Variants in RUNX2 observed in about 807,000 individuals in gnomAD.
RUNX2 encodes the protein runt-related transcription factor 2.
Under a neutral mutation model 51.7 loss-of-function variants are expected in RUNX2, and 10 were observed. The observed-to-expected ratio is 0.19, with a 90% CI of 0.12 to 0.33. RUNX2 has a LOEUF of 0.33. Ranked by LOEUF, RUNX2 falls within the 10% of genes least tolerant of loss-of-function variation. The pLI is 1.00. For synonymous variants in RUNX2, 276 were observed against 273.6 expected (o/e 1.01, Z -0.09); for missense variants, 562 against 691.3 (o/e 0.81, Z 2.10).
chr6:45,445,828 G>A (rs758341752), intron 5 of RUNX2, among the ~76,000 whole-genome samples: 11 of 152,008 alleles, frequency 7.2e-5, no homozygotes, highest in Non-Finnish European at 1.3e-4. Context: ...GATGAGGGGG[G>A]CGGGGGGATG....
chr6:45,461,752 A>G lies in RUNX2; in HGVS notation c.685+23701A>G, dbSNP rs76744369. Among the ~76,000 whole-genome samples the G allele has an allele frequency of 9.6e-3, 1,411 of 146,628 alleles. 10 individuals carry two copies. The highest frequency in any genetic ancestry group is 0.015 in the Non-Finnish European group (969 of 66,454). ...AAATAGTGATAGAATGAGGCTTACT[A>G]TTTTTTTTTTTTGTTTTTTGAGGGA... On this transcript the variant is annotated intron_variant, in intron 5 of 8. Transcript: ENST00000647337.
At chr6:45,392,597 C>G (rs1013791015) in intron 2 of RUNX2, among the ~76,000 whole-genome samples, 1 of 152,002 alleles carries the variant, frequency 6.6e-6, no homozygotes, top group African/African-American at 2.4e-5. Flanking sequence ...GTGACATTTC[C>G]CAGACAGCAA....
chr6:45,445,167 A>G (rs1367148694), intron 5 of RUNX2, among the ~76,000 whole-genome samples: 3 of 151,908 alleles, frequency 2.0e-5, no homozygotes, highest in African/African-American at 7.3e-5. Flanking sequence ...TGGGATTACA[A>G]GTGTGTGCCA....
chr6:45,353,438 C>A (rs936877562), intron 2 of RUNX2, among the ~76,000 whole-genome samples: 1 of 151,674 alleles, frequency 6.6e-6, no homozygotes, highest in Non-Finnish European at 1.5e-5. Context: ...GCAGTACTGG[C>A]AAAGGAATAG....
At chr6:45,498,670 T>C (rs1412354106) in intron 6 of RUNX2, among the ~76,000 whole-genome samples, 1 of 152,192 alleles carries the variant, frequency 6.6e-6, no homozygotes, top group Admixed American at 6.5e-5. Flanking sequence ...GTGACTGAAG[T>C]GGTTTCCACC....
At chr6:45,502,112 C>G (rs1220871214) in intron 6 of RUNX2, among the ~76,000 whole-genome samples, 2 of 151,926 alleles carry the variant, frequency 1.3e-5, no homozygotes, top group Admixed American at 6.6e-5. Context: ...CTTTTTAGAC[C>G]CTGCTCCATC....
intron 2 of RUNX2, among the ~76,000 whole-genome samples, chr6:45,339,860 T>C (rs1417296198): frequency 2.0e-5 from 3 of 152,226 alleles, no homozygotes; most frequent in Admixed American, 6.5e-5. Flanking sequence ...CTGTACTTTG[T>C]TAGCTTTCAT....
chr6:45,357,893 G>GTA (rs200586327), intron 2 of RUNX2, among the ~76,000 whole-genome samples: 71 of 151,136 alleles, frequency 4.7e-4, no homozygotes, highest in African/African-American at 1.3e-3. Flanking sequence ...AAGACTAAGA[G>GTA]TATATATATA....
chr6:45,493,730 C>CTGTGTG (rs34362546), intron 6 of RUNX2, among the ~76,000 whole-genome samples: 175 of 147,070 alleles, frequency 1.2e-3, no homozygotes, highest in African/African-American at 4.0e-3. Context: ...AATCCTTAGA[C>CTGTGTG]TGTGTGTGTG....
At chr6:45,544,994 G>T (rs1002522966) in intron 7 of RUNX2, among the ~76,000 whole-genome samples, 1 of 152,022 alleles carries the variant, frequency 6.6e-6, no homozygotes, top group South Asian at 2.1e-4. Flanking sequence ...TGTCAGTTTT[G>T]GTTCTTCATC....
intron 6 of RUNX2, among the ~76,000 whole-genome samples, chr6:45,502,599 C>A (rs866311685): frequency 6.6e-6 from 1 of 152,144 alleles, no homozygotes; most frequent in African/African-American, 2.4e-5. Context: ...GCCTCGCCCC[C>A]GTGATCAGCT....
chr6:45,349,388 T>C (rs1364158668), intron 2 of RUNX2, among the ~76,000 whole-genome samples: 5 of 152,202 alleles, frequency 3.3e-5, no homozygotes, highest in Non-Finnish European at 7.3e-5. Context: ...TTAAATTAGC[T>C]ACTTATTGAT....
At chr6:45,528,315 C>T (rs916174078) in intron 7 of RUNX2, among the ~76,000 whole-genome samples, 2 of 152,134 alleles carry the variant, frequency 1.3e-5, no homozygotes, top group Non-Finnish European at 2.9e-5. Flanking sequence ...CCAGTTCCTT[C>T]TACTGCTTCT....
chr6:45,342,253 T>C (rs981703826), intron 2 of RUNX2, among the ~76,000 whole-genome samples: 2 of 152,052 alleles, frequency 1.3e-5, no homozygotes, highest in African/African-American at 2.4e-5. Flanking sequence ...TACTAAGTTA[T>C]ATATAACACA....
chr6:45,487,657 T>C lies in RUNX2; in HGVS notation c.686-4284T>C, dbSNP rs530452187. Among the ~76,000 whole-genome samples, 159 of 152,258 alleles carry C rather than the reference T, an allele frequency of 1.0e-3. 1 individual carries two copies. Among genetic ancestry groups the C allele is most frequent in the African/African-American group, 3.8e-3 (157 of 41,558 alleles). Reference sequence around the variant, plus strand: ...AGAATATGATATATATAATATGATGTCCTGGACCAGAAAATTTTCTTTCAC... The same window carrying C: ...AGAATATGATATATATAATATGATGCCCTGGACCAGAAAATTTTCTTTCAC... On this transcript the variant is annotated intron_variant, in intron 5 of 8. Coordinates refer to ENST00000647337, the MANE Select transcript of RUNX2 (RefSeq NM_001024630.4).
At chr6:45,364,959 T>C (rs1563029873) in intron 2 of RUNX2, among the ~76,000 whole-genome samples, 1 of 152,202 alleles carries the variant, frequency 6.6e-6, no homozygotes, top group Non-Finnish European at 1.5e-5. Context: ...ACCTGATTAT[T>C]CATTCTATCA....
At chr6:45,511,840 A>C (rs911292644) in intron 6 of RUNX2, among the ~76,000 whole-genome samples, 2 of 152,238 alleles carry the variant, frequency 1.3e-5, no homozygotes, top group African/African-American at 4.8e-5. Flanking sequence ...TTGTTCAGAA[A>C]ATATTCTAAC....
In RUNX2 at chr6:45,422,631, A is replaced by T. The variant is rs1384459632; in HGVS notation, c.97A>T (p.Ser33Cys). The T allele has an allele frequency of 1.9e-6, 3 of 1,605,490 alleles. No homozygotes were observed. The African/African-American group carries it at 4.0e-5, about 22-fold the overall frequency. ...CCGGCGCTTCAGCCCCCCCTCCAGC[A>T]GCCTGCAGCCCGGCAAAATGAGCGA... ...TSRRFSPPSS[S>C]LQPGKMSDVS... The change falls in exon 3 of 9, where the codon AGC (serine) becomes TGC (cysteine). Residue 33 changes from serine to cysteine, a missense_variant. This residue lies in a region of RUNX2 where 153 missense variants were observed against 144.8 expected (regional missense o/e 1.06). Coordinates refer to ENST00000647337, the MANE Select transcript of RUNX2 (RefSeq NM_001024630.4).
chr6:45,535,020 T>C (rs987072278), intron 7 of RUNX2, among the ~76,000 whole-genome samples: 2 of 152,278 alleles, frequency 1.3e-5, no homozygotes, highest in Admixed American at 6.5e-5. Flanking sequence ...TGCATGTTCT[T>C]ATACGTGGGA....
Sources: gnomAD v4.1 joint callset for allele counts (sites outside exome capture counted in the v4.1 genomes callset) on GRCh38, gnomAD v4.1.1 for gene constraint, gnomAD v4.1.1 regional missense constraint, MANE v1.5 for transcripts, NCBI Gene and HGNC (gene_info 2026-07-23, HGNC 2026-07-21) for gene names.